CRYBG1: variants seen among roughly 807,000 people sequenced by gnomAD.
The protein encoded by CRYBG1 is crystallin beta-gamma domain containing 1.
In CRYBG1, 139 loss-of-function variants were observed where a neutral mutation model predicts 189.2. That is an observed-to-expected ratio of 0.73 (90% CI 0.64 to 0.85). CRYBG1 has a LOEUF of 0.85. Among genes scored for constraint, CRYBG1 ranks in the 40% least tolerant of loss-of-function variants. CRYBG1 has a pLI of 0.00. For missense variants in CRYBG1, 2,611 were observed against 2,675.8 expected, an observed-to-expected ratio of 0.98 and a Z score of 0.53; for synonymous variants, 1,023 against 1,017.1, an observed-to-expected ratio of 1.01 and a Z score of -0.11.
intron 21 of CRYBG1, among the ~76,000 whole-genome samples, chr6:106,564,646 T>C (rs1436997595): frequency 1.3e-5 from 2 of 152,138 alleles, no homozygotes; most frequent in South Asian, 2.1e-4. Context: ...AGTTCCCAGG[T>C]GTTGCCAATG....
chr6:106,432,080 A>G (rs986319397), intron 1 of CRYBG1, among the ~76,000 whole-genome samples: 1 of 152,204 alleles, frequency 6.6e-6, no homozygotes, highest in African/African-American at 2.4e-5. Context: ...GCGTGGCAAA[A>G]ATCATTGCTG....
intron 3 of CRYBG1, 150 bp from the exon 4 acceptor site, chr6:106,518,981 A>ACACACC: frequency 1.8e-6 from 1 of 563,576 alleles, no homozygotes; most frequent in Admixed American, 3.9e-5. Context: ...GTGCGCACAC[A>ACACACC]CACACACACA....
chr6:106,360,985 T>A lies in CRYBG1; in HGVS notation c.77T>A (p.Phe26Tyr). ...AGGCCCCCTAAGAAGCACACCACCTTCCACCTCTGGCGCTCCAAAAAGAAG... is the reference window on the plus strand; with the variant it reads ...AGGCCCCCTAAGAAGCACACCACCTACCACCTCTGGCGCTCCAAAAAGAAG... ...PCRPPKKHTTFHLWRSKKKQQ... is the reference protein window; with the variant it reads ...PCRPPKKHTTYHLWRSKKKQQ... The change falls in exon 1 of 22, where the codon TTC becomes TAC. Residue 26 changes from phenylalanine to tyrosine, a missense_variant. By Grantham distance (22) the Phe-to-Tyr change is conservative (BLOSUM62 3). This residue lies in a region of CRYBG1 where 985 missense variants were observed against 924.4 expected (regional missense o/e 1.07). Transcript: ENST00000633556. 6.5e-7 allele frequency: 1 copy of A among 1,535,074 alleles called. No homozygotes were observed.
rs773894365 is a variant in CRYBG1 at position 106,498,734 on chromosome 6, C to T, written c.313-12696C>T. 5.3e-5 allele frequency among the ~76,000 whole-genome samples: 8 copies of T among 151,922 alleles called. No homozygotes were observed. The East Asian group carries it at 7.7e-4, about 15-fold the overall frequency. The stretch of plus-strand genomic sequence containing the variant: ...TACTAAAAATACAAAATTAGCCAGG[C>T]GTGATGGTGAGCACCTGTAATCCCA... On this transcript the variant is annotated intron_variant, in intron 2 of 21. Transcript: ENST00000633556.
At chr6:106,556,769 G>C (rs1774558746) in intron 17 of CRYBG1, among the ~76,000 whole-genome samples, 1 of 152,224 alleles carries the variant, frequency 6.6e-6, no homozygotes, top group South Asian at 2.1e-4. Flanking sequence ...ACGTATGTGA[G>C]TTGGTTTTCA....
At chr6:106,449,586 C>G (rs550081623) in intron 1 of CRYBG1, 9 of 152,300 alleles carry the variant, frequency 5.9e-5, no homozygotes, top group Admixed American at 5.9e-4. Context: ...ACTTAGGGTA[C>G]TGGAACAATT....
At position 106,360,754 on chromosome 6, in the gene CRYBG1, C is replaced by A; in HGVS notation, c.-155C>A. 1 of 857,776 alleles carries A rather than the reference C, an allele frequency of 1.2e-6. No individual in the cohort carries two copies. Among genetic ancestry groups the A allele is most frequent in the South Asian group, 1.9e-5 (1 of 52,066 alleles). 53.1% of individuals were successfully genotyped at this position (857,776 alleles called of 1,614,324 possible). Reference sequence around the variant, plus strand: ...GCTGCGCTGGGTGCTGGTTCTGCAACCCGCGGCCGTCCCCCCGCATCCGCG... The same window carrying A: ...GCTGCGCTGGGTGCTGGTTCTGCAAACCGCGGCCGTCCCCCCGCATCCGCG... On this transcript the variant is annotated 5_prime_UTR_variant, in exon 1 of 22. Transcript: ENST00000633556.
chr6:106,383,438 A>G (rs1018632834), intron 1 of CRYBG1, among the ~76,000 whole-genome samples: 1 of 152,218 alleles, frequency 6.6e-6, no homozygotes, highest in Non-Finnish European at 1.5e-5. Context: ...TCATAAATGC[A>G]TGTCCCAAAC....
At chr6:106,453,291 A>G (rs1334930441) in intron 2 of CRYBG1, among the ~76,000 whole-genome samples, 1 of 152,238 alleles carries the variant, frequency 6.6e-6, no homozygotes, top group African/African-American at 2.4e-5. Flanking sequence ...GAACATGACA[A>G]AAGTAGGTAG....
Position 106,391,970 on chromosome 6 carries a change from T to TGTGCGC in CRYBG1, c.173+30890_173+30891insTGCGCG, listed in dbSNP as rs1257494111. 2.9e-3 allele frequency among the ~76,000 whole-genome samples: 229 copies of TGTGCGC among 78,340 alleles called. 1 individual carries two copies. Among genetic ancestry groups the TGTGCGC allele is most frequent in the Non-Finnish European group, 4.9e-3 (188 of 38,258 alleles). 51.4% of individuals were successfully genotyped at this position (78,340 alleles called of 152,430 possible). A position where few individuals can be genotyped will look rare whatever the true frequency, so the allele number is the denominator to read the frequency against. ...GTGTGTGTGTGTGTGTGTGTGTGTG[T>TGTGCGC]GCGTGCGCGTTTCCTGAAAAGGGGC... is the stretch of plus-strand genomic sequence containing the variant. On this transcript the variant is annotated intron_variant, in intron 1 of 21. Transcript: ENST00000633556.
rs1248866875 is a variant in CRYBG1 at position 106,520,602 on chromosome 6, A to G, written c.3394A>G (p.Asn1132Asp). 4.3e-6 allele frequency: 7 copies of G among 1,614,056 alleles called. No homozygotes were observed. The African/African-American group carries it at 6.7e-5, about 15-fold the overall frequency. Residue 1132 changes from asparagine (N) to aspartate (D), a missense_variant, in exon 4 of 22, where the codon AAC (asparagine) becomes GAC (aspartate). Physicochemically the swap from Asn to Asp is conservative, Grantham distance 23. Around this residue, in one of 3 missense-constraint regions of CRYBG1, gnomAD observed 1,622 missense variants for 1,735.0 expected, o/e 0.93. Coordinates refer to ENST00000633556, the MANE Select transcript of CRYBG1 (RefSeq NM_001371242.2). ...PMKRKKARMPNSPAPHFAMPP... is the reference protein window; with the variant it reads ...PMKRKKARMPDSPAPHFAMPP... ...GAAAAGAAAGAAGGCCAGGATGCCAAACTCTCCTGCTCCTCACTTTGCCAT... is the reference window on the plus strand; with the variant it reads ...GAAAAGAAAGAAGGCCAGGATGCCAGACTCTCCTGCTCCTCACTTTGCCAT...
At chr6:106,507,592 T>G (rs1190508278) in intron 2 of CRYBG1, among the ~76,000 whole-genome samples, 6 of 152,186 alleles carry the variant, frequency 3.9e-5, no homozygotes, top group Admixed American at 6.5e-5. Flanking sequence ...GGTGGGTCTG[T>G]GGCTTCCCAT....
At position 106,507,191 on chromosome 6, in the gene CRYBG1, T is replaced by C. The variant is rs896429034; in HGVS notation, c.313-4239T>C. ...TTACATGTGCCCCTAATGAGCCACA[T>C]TTCATATTAGCCAACAAGAACACTC... On this transcript the variant is annotated intron_variant, in intron 2 of 21. Coordinates refer to ENST00000633556, the MANE Select transcript of CRYBG1 (RefSeq NM_001371242.2). Among the ~76,000 whole-genome samples, 6 of 152,176 alleles carry C rather than the reference T, an allele frequency of 3.9e-5. No homozygotes were observed. The East Asian group carries it at 1.2e-3, about 29-fold the overall frequency.
intron 1 of CRYBG1, among the ~76,000 whole-genome samples, chr6:106,391,978 C>A (rs984748605): frequency 7.0e-6 from 1 of 143,758 alleles, no homozygotes. Context: ...TGTGCGTGCG[C>A]GTTTCCTGAA....
At chr6:106,455,208 C>A (rs1771861121) in intron 2 of CRYBG1, among the ~76,000 whole-genome samples, 1 of 151,742 alleles carries the variant, frequency 6.6e-6, no homozygotes, top group Admixed American at 6.6e-5. Flanking sequence ...TCTAACAGAC[C>A]ATTTTTTTCA....
chr6:106,552,137 T>C (rs1207753594), intron 14 of CRYBG1, 47 bp from the exon 15 acceptor site: 2 of 1,521,496 alleles, frequency 1.3e-6, no homozygotes, highest in Non-Finnish European at 1.8e-6. Flanking sequence ...TTTTTCAATG[T>C]GTTTGTTCTA....
chr6:106,481,044 G>A (rs1317583356), intron 2 of CRYBG1, among the ~76,000 whole-genome samples: 4 of 73,244 alleles, frequency 5.5e-5, no homozygotes, highest in Non-Finnish European at 9.3e-5. Context: ...CGGGATCTCG[G>A]CTCACTGCAA....
chr6:106,407,750 G>T (rs184712690), intron 1 of CRYBG1, among the ~76,000 whole-genome samples: 3 of 152,268 alleles, frequency 2.0e-5, no homozygotes, highest in Non-Finnish European at 4.4e-5. Context: ...CATGGAACCT[G>T]AACAACCTGC....
chr6:106,517,645 C>G (rs1480349546), intron 3 of CRYBG1, among the ~76,000 whole-genome samples: 1 of 151,958 alleles, frequency 6.6e-6, no homozygotes, highest in Non-Finnish European at 1.5e-5. Context: ...CCTACTTTCC[C>G]CAACTGCAGC....
Sources: allele counts gnomAD v4.1 joint callset (sites outside exome capture counted in the v4.1 genomes callset), GRCh38; gene constraint gnomAD v4.1.1; regional missense constraint gnomAD v4.1.1; transcripts MANE v1.5; gene names NCBI Gene and HGNC (gene_info 2026-07-23, HGNC 2026-07-21).